CLOCK: variants seen among roughly 807,000 people sequenced by gnomAD.
The protein encoded by CLOCK is circadian locomoter output cycles protein kaput.
In CLOCK, 43 loss-of-function variants were observed where a neutral mutation model predicts 118.4. That is an observed-to-expected ratio of 0.36 (90% CI 0.28 to 0.47). CLOCK has a LOEUF of 0.47. Among genes scored for constraint, CLOCK ranks in the 20% least tolerant of loss-of-function variants. The pLI, the probability that CLOCK is intolerant of heterozygous loss-of-function variation, is 1.00. For missense variants in CLOCK, 846 were observed against 999.9 expected (o/e 0.85, Z 2.08); for synonymous variants, 326 against 339.2 (o/e 0.96, Z 0.43).
Position 55,448,835 on chromosome 4 carries a change from TTAA to T in CLOCK, c.1480_1482del (p.Leu494del). The stretch of plus-strand genomic sequence containing the variant: ...GTAGCTTGAGACATCACTGGCTGTG[TTAA>T]TGATGAACCAACAGACTGGGAATTT... On this transcript the variant is annotated inframe_deletion, in exon 18 of 23. Transcript: ENST00000513440. 6.2e-7 allele frequency: 1 copy of T among 1,613,946 alleles called. No individual in the cohort carries two copies. The highest frequency in any genetic ancestry group is 8.5e-7 in the Non-Finnish European group (1 of 1,179,908).
chr4:55,469,677 TAAAG>T (rs1283245094), intron 8 of CLOCK, among the ~76,000 whole-genome samples: 6 of 152,272 alleles, frequency 3.9e-5, no homozygotes, highest in Non-Finnish European at 7.4e-5. Context: ...AATAAAGACA[TAAAG>T]AAAGGAAATA....
intron 1 of CLOCK, among the ~76,000 whole-genome samples, chr4:55,539,753 A>C (rs1474379583): frequency 2.6e-5 from 4 of 152,156 alleles, no homozygotes; most frequent in African/African-American, 9.7e-5. Flanking sequence ...TTGATAAGTA[A>C]ATTATTACAC....
chr4:55,535,842 G>A (rs1730860475), intron 1 of CLOCK, among the ~76,000 whole-genome samples: 1 of 150,548 alleles, frequency 6.6e-6, no homozygotes, highest in African/African-American at 2.5e-5. Flanking sequence ...CTCAGAGATG[G>A]GGAGAATATT....
At chr4:55,493,341 C>T (rs1727848100) in intron 2 of CLOCK, among the ~76,000 whole-genome samples, 1 of 152,136 alleles carries the variant, frequency 6.6e-6, no homozygotes, top group Non-Finnish European at 1.5e-5. Flanking sequence ...ACCCACTGAC[C>T]TACTTTGGAA....
intron 22 of CLOCK, among the ~76,000 whole-genome samples, chr4:55,437,201 A>G (rs1379622229): frequency 6.6e-6 from 1 of 152,230 alleles, no homozygotes; most frequent in Non-Finnish European, 1.5e-5. Context: ...CAAGGATTAT[A>G]TTTGGACCAG....
chr4:55,459,768 GC>G (rs1725194798), intron 9 of CLOCK, among the ~76,000 whole-genome samples: 1 of 151,892 alleles, frequency 6.6e-6, no homozygotes, highest in Admixed American at 6.6e-5. Flanking sequence ...GCTCAAGTGA[GC>G]CCCCTGCCTC....
At chr4:55,445,386 G>A (rs1723724435) in intron 18 of CLOCK, among the ~76,000 whole-genome samples, 1 of 151,938 alleles carries the variant, frequency 6.6e-6, no homozygotes, top group African/African-American at 2.4e-5. Context: ...CCTCTAATCT[G>A]TGGCATGTCA....
rs1722461356 is a variant in CLOCK, at chr4:55,430,973, T to G, written c.*4442A>C. On this transcript the variant is annotated 3_prime_UTR_variant, in exon 23 of 23. Coordinates refer to ENST00000513440, the MANE Select transcript of CLOCK (RefSeq NM_004898.4). Reference sequence around the variant, plus strand: ...ATCACTCCCATAAACCAACTACGGTTCACTGGACCTAAACATTTCTCAGAA... The same window carrying G: ...ATCACTCCCATAAACCAACTACGGTGCACTGGACCTAAACATTTCTCAGAA... 6.6e-6 allele frequency: 1 copy of G among 152,216 alleles called. No homozygotes were observed. Among genetic ancestry groups the G allele is most frequent in the Non-Finnish European group, 1.5e-5 (1 of 68,024 alleles). The allele number at this position is 152,216 out of a possible 1,614,324, so 9.4% of individuals were successfully genotyped here. A position where few individuals can be genotyped will look rare whatever the true frequency, so the allele number is the denominator to read the frequency against.
intron 4 of CLOCK, among the ~76,000 whole-genome samples, chr4:55,480,028 T>G (rs563955941): frequency 2.6e-5 from 4 of 152,216 alleles, no homozygotes; most frequent in Non-Finnish European, 5.9e-5. Flanking sequence ...GTGTTTGCCA[T>G]TATATAAAAT....
chr4:55,485,130 A>G (rs1727214346), intron 3 of CLOCK, among the ~76,000 whole-genome samples: 1 of 151,812 alleles, frequency 6.6e-6, no homozygotes, highest in Admixed American at 6.6e-5. Context: ...CAAGCCAGCT[A>G]ATTTATCTAT....
At chr4:55,452,992 T>G in intron 15 of CLOCK, 62 bp downstream of exon 15, 2 of 1,151,412 alleles carry the variant, frequency 1.7e-6, no homozygotes, top group Non-Finnish European at 2.5e-6. Context: ...TATTAATTAT[T>G]GAGTTTCATC....
At chr4:55,465,265 A>C (rs1355198391) in intron 8 of CLOCK, among the ~76,000 whole-genome samples, 4 of 152,236 alleles carry the variant, frequency 2.6e-5, no homozygotes, top group African/African-American at 9.6e-5. Context: ...TAATGTATGT[A>C]AATGGGAAGA....
intron 1 of CLOCK, among the ~76,000 whole-genome samples, chr4:55,533,067 A>T (rs1730659758): frequency 6.6e-6 from 1 of 152,330 alleles, no homozygotes; most frequent in East Asian, 1.9e-4. Context: ...TATAGATTCA[A>T]TGTAATCCCT....
At chr4:55,542,124 T>C (rs1031757928) in intron 1 of CLOCK, among the ~76,000 whole-genome samples, 1 of 151,758 alleles carries the variant, frequency 6.6e-6, no homozygotes, top group Non-Finnish European at 1.5e-5. Flanking sequence ...GCGGATCACC[T>C]GAGGTCAGCA....
chr4:55,443,076 C>A (rs1417350791), intron 20 of CLOCK, among the ~76,000 whole-genome samples: 6 of 152,144 alleles, frequency 3.9e-5, no homozygotes, highest in African/African-American at 9.7e-5. Flanking sequence ...GAACAGGCTT[C>A]CTGGTCAGCC....
Position 55,435,423 on chromosome 4 carries a change from G to A in CLOCK, c.2533C>T (p.Pro845Ser). 2 of 1,613,934 alleles carry A rather than the reference G, an allele frequency of 1.2e-6. No individual in the cohort carries two copies. The highest frequency in any genetic ancestry group is 1.7e-6 in the Non-Finnish European group (2 of 1,179,870). Residue 845 changes from proline to serine, a missense_variant, in exon 23 of 23, where the codon CCA (proline) becomes TCA (serine). Transcript: ENST00000513440. Reference protein sequence around the residue: ...DSLPDPSKVQPQ With the variant: ...DSLPDPSKVQSQ Reference sequence around the variant, plus strand: ...GAGAGGAAGCACGTGTGCTACTGTGGTTGAACCTTGGAAGGGTCGGGCAAG... The same window carrying A: ...GAGAGGAAGCACGTGTGCTACTGTGATTGAACCTTGGAAGGGTCGGGCAAG...
At chr4:55,511,413 G>T (rs1178129592) in intron 1 of CLOCK, among the ~76,000 whole-genome samples, 1 of 152,088 alleles carries the variant, frequency 6.6e-6, no homozygotes, top group Non-Finnish European at 1.5e-5. Flanking sequence ...GAAAAGTACT[G>T]CTCAAATATC....
chr4:55,505,264 A>G (rs1018747201), intron 2 of CLOCK, among the ~76,000 whole-genome samples: 1 of 152,168 alleles, frequency 6.6e-6, no homozygotes, highest in African/African-American at 2.4e-5. Context: ...CATCATGTAA[A>G]CAAAGTATAT....
intron 21 of CLOCK, chr4:55,442,209 G>T: frequency 1.8e-6 from 1 of 540,652 alleles, no homozygotes; most frequent in Non-Finnish European, 3.3e-6. Flanking sequence ...ATAATATTTT[G>T]TAGCATATTT....
Sources: gnomAD v4.1 joint callset for allele counts (sites outside exome capture counted in the v4.1 genomes callset) on GRCh38, gnomAD v4.1.1 for gene constraint, MANE v1.5 for transcripts, NCBI Gene and HGNC (gene_info 2026-07-23, HGNC 2026-07-21) for gene names.